FAT4: variants seen among roughly 807,000 people sequenced by gnomAD.
The protein encoded by FAT4 is protocadherin Fat 4.
In FAT4, 84 loss-of-function variants were observed where a neutral mutation model predicts 303.9. That is an observed-to-expected ratio of 0.28 (90% CI 0.23 to 0.33). FAT4 has a LOEUF of 0.33. Ranked by LOEUF, FAT4 falls within the 10% of genes least tolerant of loss-of-function variation. The pLI is 1.00. For missense variants in FAT4, 6,005 were observed against 6,146.8 expected, an observed-to-expected ratio of 0.98 and a Z score of 0.77; for synonymous variants, 2,307 against 2,298.8, an observed-to-expected ratio of 1.00 and a Z score of -0.10.
intron 14 of FAT4, among the ~76,000 whole-genome samples, chr4:125,478,560 C>G (rs1466374215): frequency 1.3e-5 from 2 of 152,096 alleles, no homozygotes. Flanking sequence ...GAGACAGAGT[C>G]TTGTTCTGTC....
intron 11 of FAT4, among the ~76,000 whole-genome samples, chr4:125,466,386 T>C (rs1027679615): frequency 6.6e-6 from 1 of 151,982 alleles, no homozygotes; most frequent in South Asian, 2.1e-4. Flanking sequence ...TTGTTATAGA[T>C]TTATTGAAGT....
Position 125,381,789 on chromosome 4 carries a change from G to A in FAT4, c.5176-16995G>A, listed in dbSNP as rs201813067. On this transcript the variant is annotated intron_variant, in intron 2 of 17. Transcript: ENST00000394329. ...ACTGTTTGAGAGCATTTTACACATA[G>A]TAGAATGTCATTCAAAACTGGAGTC... is the stretch of plus-strand genomic sequence containing the variant. Among the ~76,000 whole-genome samples, 13 of 152,278 alleles carry A rather than the reference G, an allele frequency of 8.5e-5. 1 individual carries two copies. The East Asian group carries it at 2.5e-3, about 29-fold the overall frequency.
At chr4:125,345,695 A>G (rs1731974847) in intron 2 of FAT4, among the ~76,000 whole-genome samples, 1 of 151,970 alleles carries the variant, frequency 6.6e-6, no homozygotes, top group Non-Finnish European at 1.5e-5. Flanking sequence ...ATGCCCTTAG[A>G]GTTTTGAAGG....
chr4:125,416,699 A>T (rs1735088951), intron 7 of FAT4, 77 bp downstream of exon 7: 3 of 1,472,324 alleles, frequency 2.0e-6, no homozygotes, highest in South Asian at 2.5e-5. Context: ...TAACCCCAGC[A>T]CTTTGGGAGG....
intron 5 of FAT4, among the ~76,000 whole-genome samples, chr4:125,409,562 A>ACTAGTTTT (rs1229319902): frequency 6.6e-6 from 1 of 152,138 alleles, no homozygotes; most frequent in Non-Finnish European, 1.5e-5. Context: ...AGCCCAGCTA[A>ACTAGTTTT]TAATATTTTA....
chr4:125,428,845 A>T (rs1358287891), intron 7 of FAT4, among the ~76,000 whole-genome samples: 1 of 152,070 alleles, frequency 6.6e-6, no homozygotes, highest in African/African-American at 2.4e-5. Flanking sequence ...AGTTTCTGAG[A>T]CCTTCACTTT....
At chr4:125,458,026 T>G (rs1255672998) in intron 10 of FAT4, among the ~76,000 whole-genome samples, 1 of 152,082 alleles carries the variant, frequency 6.6e-6, no homozygotes, top group Non-Finnish European at 1.5e-5. Context: ...GAATGGATGG[T>G]GTTATAAAAT....
intron 3 of FAT4, among the ~76,000 whole-genome samples, chr4:125,403,984 C>G (rs1734489469): frequency 6.6e-6 from 1 of 152,094 alleles, no homozygotes; most frequent in Non-Finnish European, 1.5e-5. Flanking sequence ...AATGGGCATT[C>G]TAATAGTACT....
At chr4:125,339,213 G>A (rs942538174) in intron 2 of FAT4, among the ~76,000 whole-genome samples, 1 of 152,042 alleles carries the variant, frequency 6.6e-6, no homozygotes. Context: ...GCCCAGGCTG[G>A]AGTACAGTGG....
At position 125,448,911 on chromosome 4, in the gene FAT4, T is replaced by A. The variant is rs1207212341; in HGVS notation, c.7901T>A (p.Ile2634Lys). 6.2e-7 allele frequency: 1 copy of A among 1,612,344 alleles called. No individual in the cohort carries two copies. Among genetic ancestry groups the A allele is most frequent in the Non-Finnish European group, 8.5e-7 (1 of 1,179,656 alleles). ...AGTCAACCTCTGGATTTTGAAAAGA[T>A]ACAAAAATATGTTGTATGGATAGAG... is the stretch of plus-strand genomic sequence containing the variant. ...SISQPLDFEKIQKYVVWIEAR... is the reference protein window; with the variant it reads ...SISQPLDFEKKQKYVVWIEAR... Residue 2634 changes from isoleucine (I) to lysine (K), a missense_variant, in exon 10 of 18, where the codon ATA (isoleucine) becomes AAA (lysine). Ile to Lys is a moderately radical substitution (Grantham distance 102). Transcript: ENST00000394329.
At chr4:125,409,215 G>T (rs145032617) in intron 5 of FAT4, among the ~76,000 whole-genome samples, 1 of 151,542 alleles carries the variant, frequency 6.6e-6, no homozygotes, top group East Asian at 1.9e-4. Flanking sequence ...ACTTACGAAT[G>T]CAAAAACTAA....
chr4:125,446,073 T>C (rs555340746), intron 8 of FAT4: 2 of 412,662 alleles, frequency 4.8e-6, no homozygotes, highest in Admixed American at 3.8e-5. Flanking sequence ...GAAGACTTCC[T>C]TGACATCACT....
At chr4:125,420,384 A>T (rs1735241673) in intron 7 of FAT4, among the ~76,000 whole-genome samples, 1 of 152,210 alleles carries the variant, frequency 6.6e-6, no homozygotes, top group Admixed American at 6.5e-5. Context: ...AGTAAGTTAT[A>T]TATGTTGAAT....
chr4:125,372,127 G>T (rs1733138133), intron 2 of FAT4, among the ~76,000 whole-genome samples: 1 of 152,034 alleles, frequency 6.6e-6, no homozygotes, highest in South Asian at 2.1e-4. Context: ...TGGGAGGGTT[G>T]CATGTGCTTA....
chr4:125,445,573 C>T (rs1295936203), intron 8 of FAT4, among the ~76,000 whole-genome samples: 1 of 152,080 alleles, frequency 6.6e-6, no homozygotes. Flanking sequence ...TCTTTGGGAC[C>T]TCACCTTATA....
intron 5 of FAT4, among the ~76,000 whole-genome samples, chr4:125,413,308 C>T (rs1032016859): frequency 6.6e-6 from 1 of 151,790 alleles, no homozygotes; most frequent in African/African-American, 2.4e-5. Context: ...ACCTCTGACA[C>T]CTATTAGCTT....
intron 5 of FAT4, among the ~76,000 whole-genome samples, chr4:125,410,106 G>A (rs915798481): frequency 6.6e-5 from 10 of 152,074 alleles, no homozygotes; most frequent in Admixed American, 5.9e-4. Context: ...TTTTATATAT[G>A]TTTCAATAAG....
At chr4:125,457,557 G>GA (rs1195698404) in intron 10 of FAT4, among the ~76,000 whole-genome samples, 1 of 151,386 alleles carries the variant, frequency 6.6e-6, no homozygotes, top group African/African-American at 2.4e-5. Context: ...AAAGAAAATT[G>GA]AAAAAAAGTA....
chr4:125,359,237 G>A (rs1052099494), intron 2 of FAT4, among the ~76,000 whole-genome samples: 1 of 152,132 alleles, frequency 6.6e-6, no homozygotes, highest in African/African-American at 2.4e-5. Context: ...TCATAGTCAG[G>A]TGGAGATAAT....
Sources: allele counts gnomAD v4.1 joint callset (sites outside exome capture counted in the v4.1 genomes callset), GRCh38; gene constraint gnomAD v4.1.1; transcripts MANE v1.5; gene names NCBI Gene and HGNC (gene_info 2026-07-23, HGNC 2026-07-21).